POGZ: variants seen among roughly 807,000 people sequenced by gnomAD.
The protein encoded by POGZ is pogo transposable element with ZNF domain.
In POGZ, 17 loss-of-function variants were observed where a neutral mutation model predicts 134.6. The observed-to-expected ratio is 0.13, with a 90% CI of 0.09 to 0.19. The LOEUF is 0.19. Ranked by LOEUF, POGZ falls within the 10% of genes least tolerant of loss-of-function variation. The pLI is 1.00. For synonymous variants in POGZ, 693 were observed against 657.1 expected (o/e 1.05, Z -0.84); for missense variants, 1,306 against 1,769.7 (o/e 0.74, Z 4.70).
intron 10 of POGZ, among the ~76,000 whole-genome samples, chr1:151,419,024 CAAAAAAAA>C (rs71090164): frequency 4.2e-4 from 22 of 52,162 alleles, no homozygotes; most frequent in African/African-American, 1.3e-3. Context: ...AGCTCTGTCT[CAAAAAAAA>C]AAAAAAAAAA....
intron 1 of POGZ, among the ~76,000 whole-genome samples, chr1:151,444,348 A>G (rs1166215808): frequency 1.3e-5 from 2 of 152,228 alleles, no homozygotes; most frequent in Non-Finnish European, 2.9e-5. Flanking sequence ...AGACAAAGAC[A>G]ACACATGCCT....
intron 3 of POGZ, among the ~76,000 whole-genome samples, chr1:151,438,343 A>AT (rs1040603577): frequency 6.6e-6 from 1 of 151,624 alleles, no homozygotes; most frequent in Non-Finnish European, 1.5e-5. Context: ...CTATGGATGA[A>AT]TTTTTTTTTG....
Position 151,406,603 on chromosome 1 carries a change from T to G in POGZ, c.2570+4A>C, listed in dbSNP as rs1396272960. 6.2e-7 allele frequency: 1 copy of G among 1,610,522 alleles called. No homozygotes were observed. Among genetic ancestry groups the G allele is most frequent in the South Asian group, 1.1e-5 (1 of 90,808 alleles). Reference sequence around the variant, plus strand: ...AATTAAATTGTGAGGTGAGTTTTTGTTACCTTGAGTGAGCTATCCAAGTGA... The same window carrying G: ...AATTAAATTGTGAGGTGAGTTTTTGGTACCTTGAGTGAGCTATCCAAGTGA... On this transcript the variant is annotated splice_donor_region_variant and intron_variant, in intron 18 of 18. Transcript: ENST00000271715.
chr1:151,428,218 G>GTGC lies in POGZ; in HGVS notation c.761_763dup (p.Ser254dup). On this transcript the variant is annotated inframe_insertion, in exon 6 of 19. Transcript: ENST00000271715. ...CTGTGTGGCAGTGGGAGTGGTAGAA[G>GTGC]TGCTGGGAGTGGACTTGGTCTGCTG... 6.2e-7 allele frequency: 1 copy of GTGC among 1,614,148 alleles called. No homozygotes were observed. The highest frequency in any genetic ancestry group is 2.2e-5 in the East Asian group (1 of 44,886).
At position 151,428,216 on chromosome 1, in the gene POGZ, A is replaced by C. The variant is rs530021780; in HGVS notation, c.766T>G (p.Ser256Ala). 6.2e-7 allele frequency: 1 copy of C among 1,613,954 alleles called. No homozygotes were observed. Among genetic ancestry groups the C allele is most frequent in the Admixed American group, 1.7e-5 (1 of 59,988 alleles). ...SQQTKSTPST[S>A]TTPTATQPTS... ...GGCTGTGTGGCAGTGGGAGTGGTAG[A>C]AGTGCTGGGAGTGGACTTGGTCTGC... is the stretch of plus-strand genomic sequence containing the variant. The change falls in exon 6 of 19, where the codon TCT becomes GCT. Residue 256 changes from serine (S) to alanine (A), a missense_variant. This residue lies in a region of POGZ where 541 missense variants were observed against 680.5 expected (regional missense o/e 0.80). Coordinates refer to ENST00000271715, the MANE Select transcript of POGZ (RefSeq NM_015100.4).
At chr1:151,457,009 T>C (rs1662854025) in intron 1 of POGZ, among the ~76,000 whole-genome samples, 1 of 152,224 alleles carries the variant, frequency 6.6e-6, no homozygotes, top group Non-Finnish European at 1.5e-5. Flanking sequence ...ACCATCAGTG[T>C]ATCAGTGAAA....
At chr1:151,408,959 G>C (rs1254261173) in intron 12 of POGZ, 131 bp from the exon 13 acceptor site, 1 of 806,780 alleles carries the variant, frequency 1.2e-6, no homozygotes, top group Non-Finnish European at 2.0e-6. Context: ...ATTTAAGAGA[G>C]TAAGAAAGAA....
intron 10 of POGZ, among the ~76,000 whole-genome samples, chr1:151,414,846 T>C (rs929374753): frequency 8.5e-5 from 13 of 152,230 alleles, no homozygotes; most frequent in Middle Eastern, 3.4e-3. Context: ...GGAACTCAAA[T>C]ATAAGGGGAT....
At chr1:151,454,836 G>T (rs527840089) in intron 1 of POGZ, 1 of 152,388 alleles carries the variant, frequency 6.6e-6, no homozygotes, top group African/African-American at 2.4e-5. Context: ...TCAGTTGGGC[G>T]TGGTGGCTCA....
chr1:151,415,156 CCT>C (rs1417613906), intron 10 of POGZ, among the ~76,000 whole-genome samples: 8 of 152,114 alleles, frequency 5.3e-5, no homozygotes, highest in Admixed American at 5.2e-4. Flanking sequence ...ATTTGTTTTC[CCT>C]GTCTTCAATC....
chr1:151,454,611 C>T (rs1662548711), intron 1 of POGZ, among the ~76,000 whole-genome samples: 1 of 152,162 alleles, frequency 6.6e-6, no homozygotes. Context: ...AAGTAAGCAA[C>T]AAGTTCTCTT....
intron 7 of POGZ, chr1:151,427,475 C>T (rs1026232085): frequency 3.6e-4 from 101 of 283,740 alleles, no homozygotes; most frequent in Non-Finnish European, 5.3e-4. Context: ...CACTGAAAAC[C>T]CTCATGCTCA....
At chr1:151,409,204 T>G (rs904375709) in intron 12 of POGZ, among the ~76,000 whole-genome samples, 10 of 152,184 alleles carry the variant, frequency 6.6e-5, no homozygotes, top group African/African-American at 2.4e-4. Flanking sequence ...ACAATGTACA[T>G]AGTAAACTAA....
chr1:151,408,523 G>T lies in POGZ; in HGVS notation c.2120C>A (p.Thr707Lys). 1 of 1,598,980 alleles carries T rather than the reference G, an allele frequency of 6.3e-7. No homozygotes were observed. The highest frequency in any genetic ancestry group is 8.5e-7 in the Non-Finnish European group (1 of 1,176,372). The change falls in exon 14 of 19, where the codon ACA (threonine) becomes AAA (lysine). Residue 707 changes from threonine to lysine, a missense_variant. Coordinates refer to ENST00000271715, the MANE Select transcript of POGZ (RefSeq NM_015100.4). Reference protein sequence around the residue: ...PRTVPVSSNDTPPSALQEAAP... With the variant: ...PRTVPVSSNDKPPSALQEAAP... Reference sequence around the variant, plus strand: ...TGCCTCCTGCAAGGCGCTGGGAGGTGTATCATTAGAGGATACAGGAACAGT... The same window carrying T: ...TGCCTCCTGCAAGGCGCTGGGAGGTTTATCATTAGAGGATACAGGAACAGT...
intron 3 of POGZ, among the ~76,000 whole-genome samples, chr1:151,437,704 A>G (rs1659855987): frequency 6.6e-6 from 1 of 152,164 alleles, no homozygotes; most frequent in South Asian, 2.1e-4. Flanking sequence ...GTGAGCCGAG[A>G]CTGCGCCACT....
chr1:151,420,174 C>CAAG (rs1656648248), intron 10 of POGZ, among the ~76,000 whole-genome samples: 2 of 152,084 alleles, frequency 1.3e-5, no homozygotes. Context: ...GGTGGCAGAG[C>CAAG]AAGACCCTGT....
intron 1 of POGZ, among the ~76,000 whole-genome samples, chr1:151,454,771 G>A (rs1662561531): frequency 6.6e-6 from 1 of 152,150 alleles, no homozygotes; most frequent in Non-Finnish European, 1.5e-5. Flanking sequence ...CCTAGCAATA[G>A]GTTAGTGTCT....
rs182519132 is a variant in POGZ, at chr1:151,455,780, G to C, written c.-2+3372C>G. On this transcript the variant is annotated intron_variant, in intron 1 of 18. Coordinates refer to ENST00000271715, the MANE Select transcript of POGZ (RefSeq NM_015100.4). ...TGCATTCAGTCTGTTGCTATATGTA[G>C]CTTTGGTTAAGTATATAATGAAAAT... Among the ~76,000 whole-genome samples, 87 of 152,044 alleles carry C rather than the reference G, an allele frequency of 5.7e-4. 1 individual carries two copies. The highest frequency in any genetic ancestry group is 1.0e-3 in the South Asian group (5 of 4,820).
At chr1:151,415,748 AAC>A (rs755568853) in intron 10 of POGZ, among the ~76,000 whole-genome samples, 23 of 152,080 alleles carry the variant, frequency 1.5e-4, no homozygotes, top group Non-Finnish European at 3.2e-4. Context: ...AATAATAACT[AAC>A]AGTCTTAACC....
Sources: allele counts gnomAD v4.1 joint callset (sites outside exome capture counted in the v4.1 genomes callset), GRCh38; gene constraint gnomAD v4.1.1; regional missense constraint gnomAD v4.1.1; transcripts MANE v1.5; gene names NCBI Gene and HGNC (gene_info 2026-07-23, HGNC 2026-07-21).